Variants in FOXP2 observed in about 807,000 individuals in gnomAD.
FOXP2 encodes the protein forkhead box protein P2.
Under a neutral mutation model 115.8 loss-of-function variants are expected in FOXP2, and 12 were observed. The ratio of observed to expected loss-of-function variants is 0.10; its 90% CI spans 0.07 to 0.17. FOXP2 has a LOEUF of 0.17. Among genes scored for constraint, FOXP2 ranks in the 10% least tolerant of loss-of-function variants. The pLI is 1.00. For synonymous variants in FOXP2, 328 were observed against 297.7 expected (o/e 1.10, Z -1.05); for missense variants, 629 against 843.5 (o/e 0.75, Z 3.15).
chr7:114,108,152 A>G (rs1482810224), intron 1 of FOXP2, among the ~76,000 whole-genome samples: 1 of 151,950 alleles, frequency 6.6e-6, no homozygotes, highest in African/African-American at 2.4e-5. Context: ...TGACTGTTCA[A>G]TATAAGTTTA....
intron 2 of FOXP2, among the ~76,000 whole-genome samples, chr7:114,427,430 A>G (rs1232411918): frequency 6.6e-6 from 1 of 151,612 alleles, no homozygotes; most frequent in Non-Finnish European, 1.5e-5. Context: ...CAACCAAAAA[A>G]TAGCCACTTC....
At chr7:114,459,976 C>T (rs931147523) in intron 2 of FOXP2, among the ~76,000 whole-genome samples, 2 of 152,138 alleles carry the variant, frequency 1.3e-5, no homozygotes, top group Admixed American at 6.5e-5. Context: ...TTTTCAGTAG[C>T]CATTCATGCC....
chr7:114,100,653 A>T (rs1790919985), intron 1 of FOXP2, among the ~76,000 whole-genome samples: 1 of 152,144 alleles, frequency 6.6e-6, no homozygotes, highest in African/African-American at 2.4e-5. Context: ...AGTTTTGCTC[A>T]ATTATTTTAA....
At chr7:114,533,695 G>T (rs1372356989) in intron 2 of FOXP2, among the ~76,000 whole-genome samples, 1 of 151,792 alleles carries the variant, frequency 6.6e-6, no homozygotes, top group Non-Finnish European at 1.5e-5. Context: ...AGTGTTCATT[G>T]AACTCAGTTG....
intron 1 of FOXP2, among the ~76,000 whole-genome samples, chr7:114,099,428 GTA>G (rs1799726835): frequency 2.0e-5 from 3 of 152,126 alleles, no homozygotes; most frequent in Admixed American, 1.3e-4. Context: ...TGGTGTGAAT[GTA>G]GATTGGTATG....
intron 4 of FOXP2, chr7:114,629,579 C>G: frequency 6.5e-7 from 1 of 1,539,914 alleles, no homozygotes; most frequent in Middle Eastern, 1.7e-4. Context: ...ACTTTCTATA[C>G]CCTTTTGTTT....
At chr7:114,341,609 C>A (rs1261604051) in intron 2 of FOXP2, among the ~76,000 whole-genome samples, 2 of 151,464 alleles carry the variant, frequency 1.3e-5, no homozygotes, top group East Asian at 1.9e-4. Context: ...TAACTACTAA[C>A]TGTAGTAATC....
At chr7:114,226,969 T>A (rs796749238) in intron 1 of FOXP2, among the ~76,000 whole-genome samples, 70 of 152,272 alleles carry the variant, frequency 4.6e-4, no homozygotes, top group African/African-American at 1.5e-3. Flanking sequence ...ATTTTGAAAT[T>A]ACATACTCTA....
At chr7:114,431,250 A>G (rs184826482) in intron 2 of FOXP2, among the ~76,000 whole-genome samples, 1 of 151,998 alleles carries the variant, frequency 6.6e-6, no homozygotes, top group Admixed American at 6.6e-5. Flanking sequence ...CAATCCTTTC[A>G]CATTTGTTAT....
At chr7:114,249,202 C>CTATTT (rs201951507) in intron 1 of FOXP2, among the ~76,000 whole-genome samples, 2,266 of 152,090 alleles carry the variant, frequency 0.015, 28 homozygotes, top group African/African-American at 0.025. Flanking sequence ...GAAGGCCTTT[C>CTATTT]TATTTTATTT....
chr7:114,633,399 A>G (rs758831007), intron 6 of FOXP2, among the ~76,000 whole-genome samples: 144 of 152,348 alleles, frequency 9.5e-4, no homozygotes, highest in South Asian at 3.5e-3. Flanking sequence ...TTGATAAGAT[A>G]TATGAGAGAT....
In FOXP2 at chr7:114,631,524, CCAGCAGCAGCAGCAG is replaced by C; in HGVS notation, c.606_620del (p.Gln205_Gln209del). The C allele has an allele frequency of 5.8e-6, 9 of 1,553,584 alleles. No homozygotes were observed. The highest frequency in any genetic ancestry group is 1.2e-5 in the South Asian group (1 of 84,596). ...GTTTACTGGTTTGGGTTTTCTGATACCAGCAGCAGCAGCAGCAGCAGCAGCAACAGCAATTGGCAG... is the reference window on the plus strand; with the variant it reads ...GTTTACTGGTTTGGGTTTTCTGATACCAGCAGCAGCAACAGCAATTGGCAG... On this transcript the variant is annotated splice_acceptor_variant and splice_polypyrimidine_tract_variant and coding_sequence_variant and intron_variant, in exon 6 of 17. Transcript: ENST00000350908. LOFTEE classifies it high-confidence loss of function.
At chr7:114,282,230 TC>T (rs1187667308) in intron 1 of FOXP2, among the ~76,000 whole-genome samples, 1 of 152,198 alleles carries the variant, frequency 6.6e-6, no homozygotes, top group Admixed American at 6.6e-5. Flanking sequence ...TATGCAGTCT[TC>T]ACTACAGTGG....
At position 114,649,640 on chromosome 7, in the gene FOXP2, A is replaced by G. The variant is rs533408298; in HGVS notation, c.1095-2563A>G. On this transcript the variant is annotated intron_variant, in intron 8 of 16. Coordinates refer to ENST00000350908, the MANE Select transcript of FOXP2 (RefSeq NM_014491.4). ...TAGCCTATTTATTTAGTCTTATTAC[A>G]TTGTATTTATATCTGACACTATTTC... is the stretch of plus-strand genomic sequence containing the variant. Among the ~76,000 whole-genome samples the G allele has an allele frequency of 2.0e-5, 3 of 152,218 alleles. No homozygotes were observed. In the East Asian group the frequency reaches 5.8e-4, roughly 29 times the overall value.
At chr7:114,431,650 T>C (rs2129207551) in intron 2 of FOXP2, among the ~76,000 whole-genome samples, 1 of 152,068 alleles carries the variant, frequency 6.6e-6, no homozygotes, top group Admixed American at 6.6e-5. Flanking sequence ...AATTTGTATT[T>C]TTTGGTTGAT....
intron 2 of FOXP2, among the ~76,000 whole-genome samples, chr7:114,478,350 A>C (rs1050125031): frequency 6.6e-6 from 1 of 151,872 alleles, no homozygotes; most frequent in Non-Finnish European, 1.5e-5. Context: ...AAACTTATTC[A>C]GGATTATGGC....
intron 2 of FOXP2, among the ~76,000 whole-genome samples, chr7:114,495,036 C>A (rs1423292329): frequency 2.6e-5 from 4 of 152,178 alleles, no homozygotes; most frequent in African/African-American, 9.7e-5. Context: ...GGTAGCATTA[C>A]ACACACAATC....
chr7:114,465,418 T>C (rs1226918446), intron 2 of FOXP2, among the ~76,000 whole-genome samples: 2 of 152,200 alleles, frequency 1.3e-5, no homozygotes, highest in Non-Finnish European at 2.9e-5. Flanking sequence ...ATTCATAAGA[T>C]AGTGAATAGG....
At chr7:114,524,908 G>A (rs1584850531) in intron 2 of FOXP2, among the ~76,000 whole-genome samples, 2 of 152,104 alleles carry the variant, frequency 1.3e-5, no homozygotes, top group East Asian at 3.9e-4. Flanking sequence ...TAGGATGGGA[G>A]AGTAGGGGTT....
Sources: allele counts gnomAD v4.1 joint callset (sites outside exome capture counted in the v4.1 genomes callset), GRCh38; gene constraint gnomAD v4.1.1; transcripts MANE v1.5; gene names NCBI Gene and HGNC (gene_info 2026-07-23, HGNC 2026-07-21).